JAK1: variants seen among roughly 807,000 people sequenced by gnomAD.
JAK1 encodes the protein tyrosine-protein kinase JAK1.
JAK1 carries 16 observed loss-of-function variants against 136.6 expected under a neutral mutation model. The ratio of observed to expected loss-of-function variants is 0.12; its 90% CI spans 0.08 to 0.18. JAK1 has a LOEUF of 0.18. Among genes scored for constraint, JAK1 ranks in the 10% least tolerant of loss-of-function variants. The pLI, the probability that JAK1 is intolerant of heterozygous loss-of-function variation, is 1.00. For missense variants in JAK1, 859 were observed against 1,450.1 expected (o/e 0.59, Z 6.62); for synonymous variants, 492 against 519.5 (o/e 0.95, Z 0.72).
chr1:65,061,532 T>C (rs1192986948), intron 1 of JAK1, among the ~76,000 whole-genome samples: 2 of 152,214 alleles, frequency 1.3e-5, no homozygotes, highest in African/African-American at 4.8e-5. Context: ...CCGTAAGTTG[T>C]TGGCCAAGCA....
At chr1:64,966,028 G>C (rs1014038440) in intron 1 of JAK1, among the ~76,000 whole-genome samples, 3 of 151,782 alleles carry the variant, frequency 2.0e-5, no homozygotes, top group African/African-American at 7.3e-5. Context: ...GCGCGCTCCG[G>C]GCTTGTTTAT....
Position 64,869,440 on chromosome 1 carries a change from A to G in JAK1, c.518T>C (p.Ile173Thr), listed in dbSNP as rs1288054059. The G allele has an allele frequency of 1.2e-6, 2 of 1,614,066 alleles. No individual in the cohort carries two copies. Among genetic ancestry groups the G allele is most frequent in the Non-Finnish European group, 1.7e-6 (2 of 1,179,950 alleles). The change falls in exon 6 of 25, where the codon ATT becomes ACT. Residue 173 changes from isoleucine to threonine, a missense_variant. Coordinates refer to ENST00000342505, the MANE Select transcript of JAK1 (RefSeq NM_002227.4). ...QYDLVKCLAP[I>T]RDPKTEQDGH... is the part of the protein sequence containing the mutation. ...ATCCTGCTCGGTCTTGGGGTCTCGA[A>G]TAGGAGCCAGGCATTTCACCAAATC...
chr1:65,034,790 C>T (rs745831639), intron 2 of JAK1, among the ~76,000 whole-genome samples: 18 of 152,170 alleles, frequency 1.2e-4, no homozygotes, highest in Non-Finnish European at 2.5e-4. Flanking sequence ...CATGGTGGCT[C>T]ATGCCTGTAA....
chr1:64,849,376 A>G (rs1655443415), intron 12 of JAK1, among the ~76,000 whole-genome samples: 1 of 152,150 alleles, frequency 6.6e-6, no homozygotes, highest in African/African-American at 2.4e-5. Context: ...TTGTATTTTT[A>G]GTAGAGATGG....
At chr1:65,000,699 T>C (rs76903108) in intron 2 of JAK1, among the ~76,000 whole-genome samples, 3 of 152,254 alleles carry the variant, frequency 2.0e-5, no homozygotes, top group East Asian at 3.9e-4. Flanking sequence ...GACAAAGCAT[T>C]GTGTTCGATG....
rs1395416612 is a variant in JAK1 at position 64,994,969 on chromosome 1, A to AC, written c.-78+49510_-78+49511insG. On this transcript the variant is annotated intron_variant, in intron 2 of 25. Coordinates refer to the JAK1 transcript ENST00000671954. ...TTTGGTAATTCCTAAACTGCAAAAA[A>AC]AAAAAAAAAAAACCTACCCAGAATC... 1.9e-4 allele frequency: 29 copies of AC among 152,076 alleles called. 5 individuals are homozygous for AC. The highest frequency in any genetic ancestry group is 3.3e-4 in the Admixed American group (5 of 15,280). 9.4% of individuals were successfully genotyped at this position (152,076 alleles called of 1,614,324 possible). A position where few individuals can be genotyped will look rare whatever the true frequency, so the allele number is the denominator to read the frequency against.
chr1:65,030,972 G>C (rs114459307), intron 2 of JAK1, among the ~76,000 whole-genome samples: 1 of 151,904 alleles, frequency 6.6e-6, no homozygotes, highest in Non-Finnish European at 1.5e-5. Context: ...TAGACAACAC[G>C]GCAACACCCC....
intron 1 of JAK1, among the ~76,000 whole-genome samples, chr1:64,936,321 C>T (rs1645788704): frequency 6.6e-6 from 1 of 152,148 alleles, no homozygotes; most frequent in Admixed American, 6.5e-5. Flanking sequence ...ACTCCACAGG[C>T]CCATGGATGG....
intron 24 of JAK1, 133 bp from the exon 25 acceptor site, chr1:64,834,790 T>A (rs1357835283): frequency 1.6e-6 from 1 of 621,148 alleles, no homozygotes; most frequent in African/African-American, 1.9e-5. Flanking sequence ...AAAACAAGAG[T>A]ATTTGAATAG....
intron 1 of JAK1, among the ~76,000 whole-genome samples, chr1:64,944,494 A>T (rs140199236): frequency 3.3e-5 from 5 of 152,290 alleles, no homozygotes; most frequent in Non-Finnish European, 7.3e-5. Flanking sequence ...CTAAGCAAAC[A>T]ATAATAACAT....
At chr1:64,931,618 A>G (rs1360935986) in intron 1 of JAK1, among the ~76,000 whole-genome samples, 2 of 152,126 alleles carry the variant, frequency 1.3e-5, no homozygotes, top group Admixed American at 1.3e-4. Flanking sequence ...CAGCATTCAG[A>G]GGCCTCAACC....
rs751458380 is a variant in JAK1, at chr1:64,850,794, C to T, written c.1755+10G>A. The T allele has an allele frequency of 6.9e-6, 11 of 1,592,060 alleles. No individual in the cohort carries two copies. The highest frequency in any genetic ancestry group is 4.5e-5 in the East Asian group (2 of 44,778). On this transcript the variant is annotated intron_variant, in intron 12 of 24. Transcript: ENST00000342505. ...CCACAGCTGGCCCACACCCTGCAGC[C>T]GTGACTCACCTGCACCAGATCCTTC...
At chr1:64,846,375 C>G (rs1655229948) in intron 14 of JAK1, among the ~76,000 whole-genome samples, 1 of 152,068 alleles carries the variant, frequency 6.6e-6, no homozygotes, top group African/African-American at 2.4e-5. Context: ...GACCTCATTT[C>G]ACTCACCTCA....
At chr1:65,054,431 TAAG>T (rs1397217261) in intron 1 of JAK1, among the ~76,000 whole-genome samples, 2 of 152,086 alleles carry the variant, frequency 1.3e-5, no homozygotes, top group Non-Finnish European at 2.9e-5. Context: ...ATGATTTCCC[TAAG>T]AAGGGAAAGG....
intron 2 of JAK1, among the ~76,000 whole-genome samples, chr1:65,043,828 TCTC>T (rs1557771826): frequency 6.6e-6 from 1 of 151,714 alleles, no homozygotes; most frequent in Non-Finnish European, 1.5e-5. Context: ...AGTCAACAAT[TCTC>T]CTGCCTCAGC....
In JAK1 at chr1:64,906,379, T is replaced by C. The variant is rs76395693; in HGVS notation, c.-77-20038A>G. Among the ~76,000 whole-genome samples, 1,439 of 151,526 alleles carry C rather than the reference T, an allele frequency of 9.5e-3. 27 individuals carry two copies. The highest frequency in any genetic ancestry group is 0.033 in the African/African-American group (1,376 of 41,280). On this transcript the variant is annotated intron_variant, in intron 1 of 24. Transcript: ENST00000342505. ...ACAGGCATCCAAACCATCATCTATATAAAAAGCAACCTGGAATTCCCACAC... is the reference window on the plus strand; with the variant it reads ...ACAGGCATCCAAACCATCATCTATACAAAAAGCAACCTGGAATTCCCACAC...
intron 2 of JAK1, chr1:64,990,392 C>G (rs1315271535): frequency 6.6e-6 from 1 of 152,048 alleles, no homozygotes; most frequent in South Asian, 2.1e-4. Context: ...AAAGAAAAGT[C>G]TCTGCAAAAA....
intron 1 of JAK1, among the ~76,000 whole-genome samples, chr1:64,888,638 G>A (rs2780833): frequency 0.22 from 32,713 of 152,106 alleles, 4,915 homozygotes; most frequent in African/African-American, 0.42. Context: ...GTAATCAAGG[G>A]GAGTTTGGTT....
At chr1:64,935,581 G>A (rs1459926204) in intron 1 of JAK1, among the ~76,000 whole-genome samples, 1 of 151,910 alleles carries the variant, frequency 6.6e-6, no homozygotes, top group Non-Finnish European at 1.5e-5. Flanking sequence ...GATTACAGGC[G>A]TGAGCCACCG....
Sources: gnomAD v4.1 joint callset for allele counts (sites outside exome capture counted in the v4.1 genomes callset) on GRCh38, gnomAD v4.1.1 for gene constraint, MANE v1.5 for transcripts, NCBI Gene and HGNC (gene_info 2026-07-23, HGNC 2026-07-21) for gene names.